ADAMTSL1: variants seen among roughly 807,000 people sequenced by gnomAD.
ADAMTSL1 encodes the protein ADAMTS-like protein 1.
A neutral mutation model predicts 201.8 loss-of-function variants in ADAMTSL1; 126 were observed. The observed-to-expected ratio is 0.62, with a 90% confidence interval of 0.54 to 0.72. The LOEUF is 0.72. ADAMTSL1 is among the 30% of genes least tolerant of loss of function. The probability of loss-of-function intolerance (pLI) is 0.00; values close to 1 mark genes in which losing one functional copy is unlikely to be tolerated. For missense variants in ADAMTSL1, 2,679 were observed against 2,277.8 expected, an observed-to-expected ratio of 1.18 and a Z score of -3.59; for synonymous variants, 1,121 against 903.4, an observed-to-expected ratio of 1.24 and a Z score of -4.32.
At chr9:18,037,141 T>G (rs768707226) in intron 1 of ADAMTSL1, among the ~76,000 whole-genome samples, 1 of 152,212 alleles carries the variant, frequency 6.6e-6, no homozygotes, top group South Asian at 2.1e-4. Flanking sequence ...TAAATCAGTT[T>G]GCACTCATGA....
chr9:18,251,357 G>C (rs1381391888), intron 2 of ADAMTSL1, among the ~76,000 whole-genome samples: 1 of 152,214 alleles, frequency 6.6e-6, no homozygotes, highest in South Asian at 2.1e-4. Context: ...AGACAAGAAA[G>C]TTTTATCGAG....
chr9:18,039,168 CTG>C (rs1373552350), intron 1 of ADAMTSL1, among the ~76,000 whole-genome samples: 1 of 152,080 alleles, frequency 6.6e-6, no homozygotes, highest in Non-Finnish European at 1.5e-5. Flanking sequence ...TAGGAACAAA[CTG>C]TGTTGCAATA....
intron 2 of ADAMTSL1, among the ~76,000 whole-genome samples, chr9:18,291,513 C>G (rs1833259951): frequency 6.6e-6 from 1 of 152,082 alleles, no homozygotes; most frequent in African/African-American, 2.4e-5. Flanking sequence ...CTTGAAACAC[C>G]TACTTTAGCC....
intron 20 of ADAMTSL1, among the ~76,000 whole-genome samples, chr9:18,813,255 C>T (rs1244251092): frequency 6.6e-6 from 1 of 152,200 alleles, no homozygotes; most frequent in African/African-American, 2.4e-5. Context: ...TGAGCCACCA[C>T]ACCCGGCCCC....
At chr9:18,338,863 A>G (rs111842676) in intron 2 of ADAMTSL1, among the ~76,000 whole-genome samples, 1 of 151,962 alleles carries the variant, frequency 6.6e-6, no homozygotes, top group Non-Finnish European at 1.5e-5. Flanking sequence ...CTTATAAGTG[A>G]GAGTATGTGG....
intron 2 of ADAMTSL1, among the ~76,000 whole-genome samples, chr9:18,349,872 C>G (rs1264892315): frequency 6.6e-6 from 1 of 150,430 alleles, no homozygotes; most frequent in Non-Finnish European, 1.5e-5. Flanking sequence ...AAGCACACGT[C>G]TGTTAGTTTG....
chr9:18,065,553 G>A (rs541810412), intron 1 of ADAMTSL1, among the ~76,000 whole-genome samples: 15 of 152,238 alleles, frequency 9.9e-5, no homozygotes, highest in East Asian at 3.9e-4. Context: ...GCCACAGGTC[G>A]TAGATGAAAA....
chr9:18,716,403 C>G (rs1291477151), intron 14 of ADAMTSL1, among the ~76,000 whole-genome samples: 1 of 152,044 alleles, frequency 6.6e-6, no homozygotes, highest in Non-Finnish European at 1.5e-5. Context: ...AAAAAACAAA[C>G]AACCCCATCA....
intron 1 of ADAMTSL1, among the ~76,000 whole-genome samples, chr9:18,108,545 G>A (rs1824864040): frequency 6.6e-6 from 1 of 151,978 alleles, no homozygotes; most frequent in Non-Finnish European, 1.5e-5. Context: ...TCACAGAGAA[G>A]GTTAAAATAC....
chr9:18,891,663 C>T (rs907488082), intron 25 of ADAMTSL1, among the ~76,000 whole-genome samples: 4 of 152,284 alleles, frequency 2.6e-5, no homozygotes, highest in South Asian at 4.2e-4. Context: ...CACGCGGTCA[C>T]GCCAAGAGAT....
rs958444755 is a variant in ADAMTSL1, at chr9:18,259,272, A to T, written c.207+95291A>T. 2.6e-5 allele frequency among the ~76,000 whole-genome samples: 4 copies of T among 152,246 alleles called. No homozygotes were observed. The East Asian group carries it at 7.7e-4, about 29-fold the overall frequency. ...ACTACCCATCTTAGTTAAATTCCTC[A>T]TCTACGCTTTGGGAAGCTGAGGTGA... On this transcript the variant is annotated intron_variant, in intron 2 of 29. Coordinates refer to the ADAMTSL1 transcript ENST00000680146.
intron 2 of ADAMTSL1, among the ~76,000 whole-genome samples, chr9:18,527,779 G>C (rs934505803): frequency 2.0e-5 from 3 of 152,124 alleles, no homozygotes; most frequent in Non-Finnish European, 4.4e-5. Context: ...ATTTTTAAGA[G>C]AAGGAATTAA....
chr9:18,509,961 T>C (rs560589387), intron 2 of ADAMTSL1, among the ~76,000 whole-genome samples: 2 of 152,342 alleles, frequency 1.3e-5, no homozygotes, highest in East Asian at 3.9e-4. Flanking sequence ...TCACCTTATA[T>C]ACCTTCCCAA....
At chr9:18,259,278 G>A (rs1032138876) in intron 2 of ADAMTSL1, among the ~76,000 whole-genome samples, 9 of 152,016 alleles carry the variant, frequency 5.9e-5, no homozygotes, top group South Asian at 4.1e-4. Context: ...CCTCATCTAC[G>A]CTTTGGGAAG....
At chr9:17,973,015 G>GT (rs1158465958) in intron 1 of ADAMTSL1, among the ~76,000 whole-genome samples, 2 of 98,048 alleles carry the variant, frequency 2.0e-5, no homozygotes, top group South Asian at 6.3e-4. Flanking sequence ...GGGGTTGTTT[G>GT]TTTTTTTCTT....
At chr9:18,762,899 T>TGTTG (rs1319047508) in intron 16 of ADAMTSL1, among the ~76,000 whole-genome samples, 23 of 152,324 alleles carry the variant, frequency 1.5e-4, no homozygotes, top group Admixed American at 4.6e-4. Flanking sequence ...TCAGTTAATC[T>TGTTG]GTTGATAGAC....
At chr9:18,474,041 C>A (rs535845515), upstream of ADAMTSL1, 1 of 541,396 alleles carries the variant, frequency 1.8e-6, no homozygotes, top group Non-Finnish European at 3.3e-6. Context: ...CTGCCTGCTC[C>A]GAGAGAGATT....
intron 1 of ADAMTSL1, among the ~76,000 whole-genome samples, chr9:18,071,099 AAG>A (rs1409547519): frequency 6.6e-6 from 1 of 152,130 alleles, no homozygotes; most frequent in African/African-American, 2.4e-5. Flanking sequence ...AAAGAAACAG[AAG>A]AGAGAGGAGA....
intron 20 of ADAMTSL1, among the ~76,000 whole-genome samples, chr9:18,813,093 A>C (rs1588151551): frequency 6.6e-6 from 1 of 150,688 alleles, no homozygotes; most frequent in East Asian, 2.0e-4. Flanking sequence ...TCAGCTTCCC[A>C]AGTAGCTGGG....
Sources: gnomAD v4.1 joint callset for allele counts (sites outside exome capture counted in the v4.1 genomes callset) on GRCh38, gnomAD v4.1.1 for gene constraint, MANE v1.5 for transcripts, NCBI Gene and HGNC (gene_info 2026-07-23, HGNC 2026-07-21) for gene names.